PTPRD: variants seen among roughly 807,000 people sequenced by gnomAD.
The protein encoded by PTPRD is receptor-type tyrosine-protein phosphatase delta.
Under a neutral mutation model 214.5 loss-of-function variants are expected in PTPRD, and 34 were observed. The observed-to-expected ratio is 0.16, with a 90% CI of 0.12 to 0.21. The LOEUF (loss-of-function observed/expected upper bound fraction) is 0.21, where lower values mean the gene tolerates loss of function less well. Among genes scored for constraint, PTPRD ranks in the 10% least tolerant of loss-of-function variants. The pLI is 1.00. For synonymous variants in PTPRD, 1,128 were observed against 845.7 expected, an observed-to-expected ratio of 1.33 and a Z score of -5.79; for missense variants, 2,545 against 2,398.7, an observed-to-expected ratio of 1.06 and a Z score of -1.27.
chr9:9,065,741 T>G (rs911820728), intron 10 of PTPRD, among the ~76,000 whole-genome samples: 1 of 152,154 alleles, frequency 6.6e-6, no homozygotes, highest in Admixed American at 6.5e-5. Flanking sequence ...AGTCAAATTC[T>G]CTTCCTTGAA....
intron 7 of PTPRD, among the ~76,000 whole-genome samples, chr9:9,600,061 G>C (rs1191775109): frequency 6.6e-6 from 1 of 151,878 alleles, no homozygotes; most frequent in African/African-American, 2.4e-5. Flanking sequence ...ATAAATTTTT[G>C]AAACATTGCA....
chr9:8,869,955 A>C (rs761240659), intron 11 of PTPRD, among the ~76,000 whole-genome samples: 1 of 152,084 alleles, frequency 6.6e-6, no homozygotes, highest in African/African-American at 2.4e-5. Context: ...TTCAGCAGTC[A>C]GCTGTAATTA....
At chr9:10,394,462 T>C (rs1395391379) in intron 2 of PTPRD, among the ~76,000 whole-genome samples, 2 of 151,730 alleles carry the variant, frequency 1.3e-5, no homozygotes, top group Non-Finnish European at 2.9e-5. Flanking sequence ...AGTAGCAGTA[T>C]GATCTTAGCA....
chr9:10,050,590 A>AAAAAAAAAAAAAT (rs71321219), intron 3 of PTPRD, among the ~76,000 whole-genome samples: 1 of 137,752 alleles, frequency 7.3e-6, no homozygotes, highest in African/African-American at 2.8e-5. Context: ...AAAAAAAAAA[A>AAAAAAAAAAAAAT]GACTATGTCA....
At chr9:8,976,223 G>A (rs1479390363) in intron 11 of PTPRD, among the ~76,000 whole-genome samples, 1 of 152,020 alleles carries the variant, frequency 6.6e-6, no homozygotes, top group Non-Finnish European at 1.5e-5. Flanking sequence ...CTATTTGATA[G>A]TTAGGGTAAT....
At chr9:8,953,595 C>A (rs2099115310) in intron 11 of PTPRD, among the ~76,000 whole-genome samples, 1 of 151,908 alleles carries the variant, frequency 6.6e-6, no homozygotes, top group African/African-American at 2.4e-5. Context: ...ACAAACTATG[C>A]ATCTCTTCAA....
intron 12 of PTPRD, among the ~76,000 whole-genome samples, chr9:8,697,700 G>A (rs2097953626): frequency 6.6e-6 from 1 of 151,912 alleles, no homozygotes; most frequent in African/African-American, 2.4e-5. Flanking sequence ...TGGGATTACA[G>A]GCATGAGCCA....
At chr9:10,147,634 C>A (rs1327746023) in intron 3 of PTPRD, among the ~76,000 whole-genome samples, 1 of 152,140 alleles carries the variant, frequency 6.6e-6, no homozygotes, top group Admixed American at 6.5e-5. Context: ...AATCCCAGCA[C>A]TTTAGGATGC....
intron 35 of PTPRD, among the ~76,000 whole-genome samples, chr9:8,406,231 G>C (rs888788370): frequency 2.0e-5 from 3 of 152,178 alleles, no homozygotes; most frequent in East Asian, 3.9e-4. Context: ...AGCATGCTAT[G>C]AGCCGAAGGT....
intron 11 of PTPRD, among the ~76,000 whole-genome samples, chr9:8,935,634 G>T (rs2098991659): frequency 6.6e-6 from 1 of 152,178 alleles, no homozygotes; most frequent in African/African-American, 2.4e-5. Context: ...AGAAGCCCTG[G>T]AGGAGAAGGC....
intron 14 of PTPRD, among the ~76,000 whole-genome samples, chr9:8,557,455 T>TATATACACACATACACATAC: frequency 2.9e-5 from 4 of 135,628 alleles, no homozygotes; most frequent in African/African-American, 1.4e-4. Flanking sequence ...TATATATATA[T>TATATACACACATACACATAC]ATTTGGGCCG....
intron 11 of PTPRD, among the ~76,000 whole-genome samples, chr9:8,938,595 G>A (rs1007218327): frequency 2.0e-5 from 3 of 151,948 alleles, no homozygotes. Context: ...ATTGCAGGTC[G>A]GTAAAATGCC....
At chr9:10,510,539 T>C (rs922241970) in intron 2 of PTPRD, among the ~76,000 whole-genome samples, 3 of 152,170 alleles carry the variant, frequency 2.0e-5, no homozygotes, top group Non-Finnish European at 4.4e-5. Context: ...TATCGCTTTT[T>C]TGTTTGCTTT....
At chr9:10,564,273 C>T (rs1320350680) in intron 2 of PTPRD, among the ~76,000 whole-genome samples, 1 of 147,354 alleles carries the variant, frequency 6.8e-6, no homozygotes, top group African/African-American at 2.5e-5. Context: ...CCTCAGCCTC[C>T]CAAATTGCTG....
intron 11 of PTPRD, among the ~76,000 whole-genome samples, chr9:8,864,386 A>C (rs1177161653): frequency 6.6e-6 from 1 of 152,200 alleles, no homozygotes; most frequent in Admixed American, 6.5e-5. Flanking sequence ...GAGGGTGCTG[A>C]ATCTCCTTAA....
chr9:9,275,082 A>T (rs1462182349), intron 9 of PTPRD, among the ~76,000 whole-genome samples: 7 of 65,826 alleles, frequency 1.1e-4, no homozygotes, highest in Admixed American at 5.1e-4. Flanking sequence ...ATATATATAT[A>T]ATATATATGT....
chr9:9,082,307 G>T (rs1184606550), intron 10 of PTPRD, among the ~76,000 whole-genome samples: 2 of 152,104 alleles, frequency 1.3e-5, no homozygotes, highest in African/African-American at 4.8e-5. Context: ...TTCAACATAT[G>T]CCAATCAATA....
chr9:10,459,001 C>G (rs113056615), intron 2 of PTPRD, among the ~76,000 whole-genome samples: 5,554 of 152,130 alleles, frequency 0.037, 347 homozygotes, highest in African/African-American at 0.13. Flanking sequence ...CTGCACCTAT[C>G]AACCCGTCAT....
chr9:9,429,025 C>G (rs1377536452), intron 8 of PTPRD, among the ~76,000 whole-genome samples: 2 of 152,096 alleles, frequency 1.3e-5, no homozygotes, highest in Non-Finnish European at 2.9e-5. Flanking sequence ...CATTCAAAAG[C>G]TAGCGGAAGT....
Sources: allele counts gnomAD v4.1 joint callset (sites outside exome capture counted in the v4.1 genomes callset), GRCh38; gene constraint gnomAD v4.1.1; transcripts MANE v1.5; gene names NCBI Gene and HGNC (gene_info 2026-07-23, HGNC 2026-07-21).